The following NALF1 variants were observed in gnomAD, a reference collection of about 807,000 sequenced individuals.
The protein encoded by NALF1 is NALCN channel auxiliary factor 1, also known as family with sequence similarity 155 member A.
In NALF1, 3 loss-of-function variants were observed where a neutral mutation model predicts 48.4. That is an observed-to-expected ratio of 0.06 (90% confidence interval 0.03 to 0.16). The LOEUF is 0.16. Ranked by LOEUF, NALF1 falls within the 10% of genes least tolerant of loss-of-function variation. The pLI, the probability that NALF1 is intolerant of heterozygous loss-of-function variation, is 1.00. For synonymous variants in NALF1, 262 were observed against 245.7 expected (o/e 1.07, Z -0.62); for missense variants, 526 against 571.5 (o/e 0.92, Z 0.81).
At chr13:107,619,129 T>C (rs1879459599) in intron 1 of NALF1, among the ~76,000 whole-genome samples, 1 of 152,224 alleles carries the variant, frequency 6.6e-6, no homozygotes, top group African/African-American at 2.4e-5. Context: ...CTTTCATTTA[T>C]TTAAATGGCA....
chr13:107,646,232 T>A (rs1216233369), intron 1 of NALF1, among the ~76,000 whole-genome samples: 2 of 151,692 alleles, frequency 1.3e-5, no homozygotes, highest in African/African-American at 4.9e-5. Flanking sequence ...ATGAAGAACA[T>A]TAACACTTCC....
At chr13:107,320,622 T>C (rs1221268038) in intron 1 of NALF1, among the ~76,000 whole-genome samples, 1 of 152,110 alleles carries the variant, frequency 6.6e-6, no homozygotes, top group African/African-American at 2.4e-5. Flanking sequence ...ATTGAACGAA[T>C]AGGGCTCCTT....
chr13:107,685,315 G>A lies in NALF1; in HGVS notation c.915+180367C>T, dbSNP rs546063057. On this transcript the variant is annotated intron_variant, in intron 1 of 2. Transcript: ENST00000375915. ...GTGACAAGGCGAGACACCGTCTCAG[G>A]AAAAAAACAAACAAAAAAACAAAAA... 1.2e-4 allele frequency among the ~76,000 whole-genome samples: 18 copies of A among 151,872 alleles called. No individual in the cohort carries two copies. In the South Asian group the frequency reaches 2.1e-3, roughly 18 times the overall value.
At chr13:107,569,803 G>T (rs1364914202) in intron 1 of NALF1, among the ~76,000 whole-genome samples, 1 of 152,150 alleles carries the variant, frequency 6.6e-6, no homozygotes, top group East Asian at 1.9e-4. Context: ...TTTAATAGCA[G>T]TTGCCTTAAA....
In NALF1 at chr13:107,469,594, T is replaced by C. The variant is rs146460558; in HGVS notation, c.916-258839A>G. Among the ~76,000 whole-genome samples, 800 of 152,242 alleles carry C rather than the reference T, an allele frequency of 5.3e-3. 6 individuals are homozygous for C. Among genetic ancestry groups the C allele is most frequent in the African/African-American group, 0.018 (747 of 41,534 alleles). On this transcript the variant is annotated intron_variant, in intron 1 of 2. Transcript: ENST00000375915. ...TAAATCATCTCTGGATTACTTATAA[T>C]ACCAAGTACAATATAAATATTATGT...
chr13:107,250,232 A>G (rs1880670998), intron 1 of NALF1, among the ~76,000 whole-genome samples: 1 of 152,188 alleles, frequency 6.6e-6, no homozygotes, highest in Non-Finnish European at 1.5e-5. Context: ...AAACCACATT[A>G]TCTGTTTATT....
rs140824908 is a variant in NALF1, at chr13:107,730,497, T to C, written c.915+135185A>G. Among the ~76,000 whole-genome samples, 231 of 152,368 alleles carry C rather than the reference T, an allele frequency of 1.5e-3. 1 individual carries two copies. Among genetic ancestry groups the C allele is most frequent in the African/African-American group, 5.3e-3 (221 of 41,586 alleles). ...TACTATAATGCTTTCCCTGTACTTCTGTGTTCATCGATTTAATTTATTGGC... is the reference window on the plus strand; with the variant it reads ...TACTATAATGCTTTCCCTGTACTTCCGTGTTCATCGATTTAATTTATTGGC... On this transcript the variant is annotated intron_variant, in intron 1 of 2. Transcript: ENST00000375915.
At chr13:107,646,317 T>G (rs945170636) in intron 1 of NALF1, among the ~76,000 whole-genome samples, 7 of 148,434 alleles carry the variant, frequency 4.7e-5, no homozygotes, top group African/African-American at 1.5e-4. Context: ...AACAAAATGG[T>G]GTAGACAGGT....
At chr13:107,614,829 C>T (rs7330343) in intron 1 of NALF1, among the ~76,000 whole-genome samples, 22,897 of 150,246 alleles carry the variant, frequency 0.15, 2,403 homozygotes, top group East Asian at 0.37. Flanking sequence ...CCAGGCTGGA[C>T]GGCAGTGATG....
chr13:107,732,044 C>T lies in NALF1; in HGVS notation c.915+133638G>A, dbSNP rs948372280. ...TGCTGTTCCAAACTGACTTAGTCCA[C>T]GTAGGTTATTAACTTCTCACATATT... On this transcript the variant is annotated intron_variant, in intron 1 of 2. Transcript: ENST00000375915. Among the ~76,000 whole-genome samples the T allele has an allele frequency of 3.9e-5, 6 of 152,088 alleles. No individual in the cohort carries two copies. The East Asian group carries it at 9.7e-4, about 25-fold the overall frequency.
At chr13:107,836,263 T>C (rs190872011) in intron 1 of NALF1, among the ~76,000 whole-genome samples, 2 of 152,296 alleles carry the variant, frequency 1.3e-5, no homozygotes, top group East Asian at 3.9e-4. Context: ...AGTTCTGAGA[T>C]TACAGGTATG....
chr13:107,321,471 A>G (rs958088063), intron 1 of NALF1, among the ~76,000 whole-genome samples: 16 of 152,172 alleles, frequency 1.1e-4, no homozygotes, highest in African/African-American at 3.9e-4. Context: ...AGCTAAGCTT[A>G]ACAAGTTTGT....
intron 1 of NALF1, among the ~76,000 whole-genome samples, chr13:107,616,473 A>G (rs768602454): frequency 5.3e-5 from 8 of 152,200 alleles, no homozygotes; most frequent in Non-Finnish European, 8.8e-5. Context: ...CTATTTCAAA[A>G]CCATTTATGT....
In NALF1 at chr13:107,229,868, A is replaced by G. The variant is rs533655421; in HGVS notation, c.916-19113T>C. The stretch of plus-strand genomic sequence containing the variant: ...TTTCCATTGCTGCCTCAGCAGAACT[A>G]TTTTTCTTGCCTGGATTCCATAGGA... On this transcript the variant is annotated intron_variant, in intron 1 of 2. Transcript: ENST00000375915. Among the ~76,000 whole-genome samples the G allele has an allele frequency of 5.3e-5, 8 of 152,196 alleles. No individual in the cohort carries two copies. In the South Asian group the frequency reaches 1.7e-3, roughly 32 times the overall value.
At chr13:107,622,620 T>C (rs1470332752) in intron 1 of NALF1, among the ~76,000 whole-genome samples, 1 of 152,148 alleles carries the variant, frequency 6.6e-6, no homozygotes, top group Non-Finnish European at 1.5e-5. Flanking sequence ...ACAATGTTGA[T>C]TTCACCCCAG....
At chr13:107,669,656 G>A (rs1342377642) in intron 1 of NALF1, among the ~76,000 whole-genome samples, 1 of 152,112 alleles carries the variant, frequency 6.6e-6, no homozygotes, top group Non-Finnish European at 1.5e-5. Flanking sequence ...TGAACCGCAT[G>A]AGAGCATATT....
At chr13:107,182,615 T>G (rs957970735) in intron 2 of NALF1, among the ~76,000 whole-genome samples, 1 of 152,172 alleles carries the variant, frequency 6.6e-6, no homozygotes, top group Admixed American at 6.5e-5. Context: ...ATTTGTGAAA[T>G]TCATGCTGTT....
chr13:107,331,256 G>T (rs1021656659), intron 1 of NALF1, among the ~76,000 whole-genome samples: 2 of 152,110 alleles, frequency 1.3e-5, no homozygotes, highest in African/African-American at 2.4e-5. Flanking sequence ...ATCATTCTCA[G>T]TAATGTAATA....
chr13:107,472,009 T>C (rs1359127913), intron 1 of NALF1, among the ~76,000 whole-genome samples: 1 of 152,190 alleles, frequency 6.6e-6, no homozygotes. Flanking sequence ...CATCTAGTGC[T>C]AAAATACAGG....
Sources: allele counts gnomAD v4.1 joint callset (sites outside exome capture counted in the v4.1 genomes callset), GRCh38; gene constraint gnomAD v4.1.1; transcripts MANE v1.5; gene names NCBI Gene and HGNC (gene_info 2026-07-23, HGNC 2026-07-21).